Variants in CLSTN1 observed in about 807,000 individuals in gnomAD.
The protein encoded by CLSTN1 is calsyntenin 1.
In CLSTN1, 28 loss-of-function variants were observed where a neutral mutation model predicts 108.3. The observed-to-expected ratio is 0.26, with a 90% confidence interval of 0.19 to 0.35. The LOEUF is 0.35. Ranked by LOEUF, CLSTN1 falls within the 10% of genes least tolerant of loss-of-function variation. The pLI, the probability that CLSTN1 is intolerant of heterozygous loss-of-function variation, is 1.00. For missense variants in CLSTN1, 1,157 were observed against 1,302.6 expected, an observed-to-expected ratio of 0.89 and a Z score of 1.72; for synonymous variants, 524 against 534.9, an observed-to-expected ratio of 0.98 and a Z score of 0.28.
intron 1 of CLSTN1, among the ~76,000 whole-genome samples, chr1:9,788,824 C>T (rs569747778): frequency 2.9e-5 from 4 of 137,142 alleles, no homozygotes; most frequent in East Asian, 4.5e-4. Context: ...GCCAAGATCA[C>T]GCCACTGCAC....
rs368125549 is a variant in CLSTN1 at position 9,758,236 on chromosome 1, G to A, written c.215-1726C>T. Among the ~76,000 whole-genome samples, 31 of 152,154 alleles carry A rather than the reference G, an allele frequency of 2.0e-4. No homozygotes were observed. In the East Asian group the frequency reaches 4.8e-3, roughly 24 times the overall value. ...TCGAACTCCTGGCATCAGGTGATCC[G>A]CCCGCCTCGGCCTCCCAAAGTGCTG... On this transcript the variant is annotated intron_variant, in intron 2 of 18. Coordinates refer to ENST00000377298, the MANE Select transcript of CLSTN1 (RefSeq NM_001009566.3).
chr1:9,736,051 CAG>C lies in CLSTN1; in HGVS notation c.1577-11_1577-10del, dbSNP rs1435482240. The C allele has an allele frequency of 1.7e-5, 28 of 1,613,960 alleles. No homozygotes were observed. The highest frequency in any genetic ancestry group is 2.2e-5 in the Non-Finnish European group (26 of 1,180,030). ...CATGTGCAGGTCGCCACCTTTGGGT[CAG>C]GGGAGAAAAGGCGAAGTCAGGCGTG... is the stretch of plus-strand genomic sequence containing the variant. On this transcript the variant is annotated splice_polypyrimidine_tract_variant and intron_variant, in intron 11 of 18. Transcript: ENST00000377298.
At chr1:9,764,126 G>C (rs1007005481) in intron 2 of CLSTN1, among the ~76,000 whole-genome samples, 1 of 151,748 alleles carries the variant, frequency 6.6e-6, no homozygotes, top group Non-Finnish European at 1.5e-5. Flanking sequence ...GAGAGAGAGA[G>C]AGAGGGAGAG....
In CLSTN1 at chr1:9,734,161, C is replaced by T. The variant is rs1650558838; in HGVS notation, c.2111-19G>A. 22 of 1,613,130 alleles carry T rather than the reference C, an allele frequency of 1.4e-5. No homozygotes were observed. Among genetic ancestry groups the T allele is most frequent in the Non-Finnish European group, 1.9e-5 (22 of 1,179,480 alleles). ...TCTTGAACTGCAAAAGAGGCCCAAC[C>T]AGAAATATTAAGTAGGGGCAGTGGG... On this transcript the variant is annotated intron_variant, in intron 14 of 18. Coordinates refer to ENST00000377298, the MANE Select transcript of CLSTN1 (RefSeq NM_001009566.3). This position sits in a 1 kb window ranked among gnomAD's most constrained non-coding sequence, Gnocchi z 4.8.
intron 2 of CLSTN1, among the ~76,000 whole-genome samples, chr1:9,771,440 C>G (rs1652669487): frequency 6.6e-6 from 1 of 152,062 alleles, no homozygotes; most frequent in South Asian, 2.1e-4. Flanking sequence ...ATGGTGAAAC[C>G]CCATCTCTAC....
intron 1 of CLSTN1, among the ~76,000 whole-genome samples, chr1:9,804,951 G>A (rs894751491): frequency 1.3e-5 from 2 of 151,902 alleles, no homozygotes; most frequent in Non-Finnish European, 2.9e-5. Context: ...GTGAAACCCC[G>A]TCTCTACTAA....
At chr1:9,818,617 G>A (rs933099585) in intron 1 of CLSTN1, among the ~76,000 whole-genome samples, 14 of 151,746 alleles carry the variant, frequency 9.2e-5, no homozygotes, top group East Asian at 3.9e-4. Context: ...ATGAGCCACC[G>A]CGCCAGGCCT....
At chr1:9,770,541 G>T (rs979939336) in intron 2 of CLSTN1, among the ~76,000 whole-genome samples, 4 of 152,196 alleles carry the variant, frequency 2.6e-5, no homozygotes, top group African/African-American at 4.8e-5. Context: ...CCAGCTACAC[G>T]CCCAGAGCAA....
Position 9,731,871 on chromosome 1 carries a change from G to C in CLSTN1, c.2453C>G (p.Pro818Arg). The C allele has an allele frequency of 6.2e-7, 1 of 1,614,160 alleles. No individual in the cohort carries two copies. Among genetic ancestry groups the C allele is most frequent in the Admixed American group, 1.7e-5 (1 of 60,014 alleles). Reference sequence around the variant, plus strand: ...AGCCATGTGGTTGGCGTGTTCCATGGGGTTGGCCGTGTGGATTACATTCAC... The same window carrying C: ...AGCCATGTGGTTGGCGTGTTCCATGCGGTTGGCCGTGTGGATTACATTCAC... ...VEVNVIHTANPMEHANHMAAQ... is the reference protein window; with the variant it reads ...VEVNVIHTANRMEHANHMAAQ... Residue 818 changes from proline to arginine, a missense_variant, in exon 17 of 19, where the codon CCC becomes CGC. Transcript: ENST00000377298.
chr1:9,732,353 G>A (rs559584731), intron 16 of CLSTN1, among the ~76,000 whole-genome samples: 1 of 152,036 alleles, frequency 6.6e-6, no homozygotes, highest in East Asian at 1.9e-4. Context: ...CAAGCACCAC[G>A]CACCTGGCTG....
intron 1 of CLSTN1, among the ~76,000 whole-genome samples, chr1:9,822,611 C>G (rs541508262): frequency 3.9e-5 from 6 of 152,218 alleles, no homozygotes; most frequent in African/African-American, 1.4e-4. Flanking sequence ...GATTACTCTG[C>G]TCTAAGGCCA....
chr1:9,822,690 G>C (rs568888562), intron 1 of CLSTN1, among the ~76,000 whole-genome samples: 1 of 152,280 alleles, frequency 6.6e-6, no homozygotes, highest in African/African-American at 2.4e-5. Context: ...TAAGCTTTTC[G>C]TTGGCAAGAC....
At chr1:9,778,223 A>C (rs1028535305) in intron 1 of CLSTN1, among the ~76,000 whole-genome samples, 11 of 134,424 alleles carry the variant, frequency 8.2e-5, no homozygotes, top group East Asian at 2.2e-4. Context: ...TCTCCTCCCC[A>C]ACACACACAC....
At chr1:9,772,264 G>A (rs1652728074) in intron 2 of CLSTN1, among the ~76,000 whole-genome samples, 1 of 150,434 alleles carries the variant, frequency 6.6e-6, no homozygotes, top group African/African-American at 2.4e-5. Flanking sequence ...GCACAGGCAT[G>A]AGCCACTGTG....
chr1:9,737,841 C>T (rs1650773115), intron 10 of CLSTN1, among the ~76,000 whole-genome samples: 1 of 152,202 alleles, frequency 6.6e-6, no homozygotes, highest in African/African-American at 2.4e-5. Context: ...AAAGCACACA[C>T]ATGGAATTCG....
intron 1 of CLSTN1, among the ~76,000 whole-genome samples, chr1:9,818,847 C>T (rs1186609928): frequency 1.7e-5 from 2 of 119,856 alleles, no homozygotes; most frequent in African/African-American, 3.3e-5. Context: ...AGTGCAGTGG[C>T]GCGATCTCGG....
chr1:9,731,155 G>T lies in CLSTN1; in HGVS notation c.2748+51C>A, dbSNP rs986908533. 8.1e-6 allele frequency: 13 copies of T among 1,604,570 alleles called. No individual in the cohort carries two copies. In the Admixed American group the frequency reaches 1.2e-4, roughly 14 times the overall value. ...GCCGCGCCGTACCGGCTTCTCGGAG[G>T]CCCTGGCCTGTGCTGCCTCTCAGTC... On this transcript the variant is annotated intron_variant, in intron 18 of 18. Transcript: ENST00000377298.
intron 2 of CLSTN1, among the ~76,000 whole-genome samples, chr1:9,763,712 C>G (rs1557703814): frequency 6.6e-6 from 1 of 152,200 alleles, no homozygotes; most frequent in Non-Finnish European, 1.5e-5. Context: ...CATGTGGACT[C>G]AAGTTGACTT....
chr1:9,802,892 AG>A (rs1306968834), intron 1 of CLSTN1, among the ~76,000 whole-genome samples: 1 of 147,064 alleles, frequency 6.8e-6, no homozygotes, highest in African/African-American at 2.5e-5. Context: ...TGACACAATC[AG>A]GGCTCACTGC....
Sources: gnomAD v4.1 joint callset for allele counts (sites outside exome capture counted in the v4.1 genomes callset) on GRCh38, gnomAD v4.1.1 for gene constraint, Gnocchi (gnomAD v3.1) non-coding constraint, MANE v1.5 for transcripts, NCBI Gene and HGNC (gene_info 2026-07-23, HGNC 2026-07-21) for gene names.